The following PDE11A variants were observed in gnomAD, a reference collection of about 807,000 sequenced individuals.
PDE11A encodes phosphodiesterase 11A, also known as dual 3',5'-cyclic-AMP and -GMP phosphodiesterase 11A.
PDE11A carries 100 observed loss-of-function variants against 100.5 expected under a neutral mutation model. The observed-to-expected ratio is 1.00, with a 90% CI of 0.85 to 1.18. PDE11A has a LOEUF of 1.18. Among genes scored for constraint, PDE11A ranks in the 50% most tolerant of loss-of-function variants. The pLI, the probability that PDE11A is intolerant of heterozygous loss-of-function variation, is 0.00. For synonymous variants in PDE11A, 381 were observed against 420.8 expected, an observed-to-expected ratio of 0.91 and a Z score of 1.16; for missense variants, 1,141 against 1,152.6, an observed-to-expected ratio of 0.99 and a Z score of 0.15.
chr2:177,808,314 T>C (rs1214596006), intron 9 of PDE11A, among the ~76,000 whole-genome samples: 2 of 152,234 alleles, frequency 1.3e-5, no homozygotes, highest in African/African-American at 2.4e-5. Flanking sequence ...CATGAGTAGA[T>C]AGTTATCATT....
intron 6 of PDE11A, among the ~76,000 whole-genome samples, chr2:177,825,584 G>A (rs2083215439): frequency 6.6e-6 from 1 of 152,120 alleles, no homozygotes; most frequent in South Asian, 2.1e-4. Flanking sequence ...TCCTCTGCAG[G>A]GGCTGGAGGA....
intron 10 of PDE11A, among the ~76,000 whole-genome samples, chr2:177,741,866 T>C (rs1173529476): frequency 6.6e-6 from 1 of 151,954 alleles, no homozygotes; most frequent in Non-Finnish European, 1.5e-5. Flanking sequence ...CAAGATCCTA[T>C]CTGTACAGAA....
chr2:177,646,535 T>C (rs2080226853), intron 19 of PDE11A, among the ~76,000 whole-genome samples: 1 of 152,232 alleles, frequency 6.6e-6, no homozygotes, highest in Non-Finnish European at 1.5e-5. Flanking sequence ...GTTTACATGG[T>C]TAAGTACACA....
chr2:177,738,944 T>C (rs1482766949), intron 10 of PDE11A, among the ~76,000 whole-genome samples: 1 of 152,202 alleles, frequency 6.6e-6, no homozygotes, highest in Non-Finnish European at 1.5e-5. Flanking sequence ...CACTTTAGTG[T>C]CAAACAGCTA....
intron 4 of PDE11A, among the ~76,000 whole-genome samples, chr2:177,895,555 A>C (rs1025180929): frequency 6.8e-6 from 1 of 147,474 alleles, no homozygotes; most frequent in Admixed American, 6.8e-5. Flanking sequence ...CTCCACCTCA[A>C]AAAAAAAAAA....
At chr2:177,972,565 T>C (rs1401961640) in intron 2 of PDE11A, among the ~76,000 whole-genome samples, 1 of 151,956 alleles carries the variant, frequency 6.6e-6, no homozygotes, top group Non-Finnish European at 1.5e-5. Flanking sequence ...AATGGCTGAA[T>C]TGCAAAAAGG....
intron 2 of PDE11A, among the ~76,000 whole-genome samples, chr2:177,938,788 C>A (rs2085308785): frequency 1.3e-5 from 2 of 152,202 alleles, no homozygotes; most frequent in African/African-American, 4.8e-5. Context: ...TCCTAACCAG[C>A]ACCCCAATAC....
At chr2:178,104,053 T>C (rs1283603503) in intron 2 of PDE11A, among the ~76,000 whole-genome samples, 1 of 152,150 alleles carries the variant, frequency 6.6e-6, no homozygotes, top group Non-Finnish European at 1.5e-5. Context: ...TCAAGAAAAA[T>C]GTATTACCTA....
At chr2:178,028,300 C>A (rs1204609270) in intron 1 of PDE11A, among the ~76,000 whole-genome samples, 53 of 131,388 alleles carry the variant, frequency 4.0e-4, no homozygotes, top group Admixed American at 4.8e-4. Flanking sequence ...CATGTTCCAT[C>A]AAAAAAAAAA....
At chr2:177,651,546 G>A in intron 19 of PDE11A, among the ~76,000 whole-genome samples, 1 of 152,150 alleles carries the variant, frequency 6.6e-6, no homozygotes, top group South Asian at 2.1e-4. Context: ...CAGTTTATGA[G>A]TGTAGAGGGC....
chr2:178,071,306 G>A (rs1455246183), intron 1 of PDE11A, among the ~76,000 whole-genome samples: 3 of 152,172 alleles, frequency 2.0e-5, no homozygotes, highest in African/African-American at 7.2e-5. Flanking sequence ...GTTATTGGGT[G>A]ATATATTAAC....
Position 177,637,995 on chromosome 2 carries a change from A to ATT in PDE11A, c.2647-8434_2647-8433insAA, listed in dbSNP as rs1303030999. Among the ~76,000 whole-genome samples, 33 of 54,124 alleles carry ATT rather than the reference A, an allele frequency of 6.1e-4. 1 individual carries two copies. The highest frequency in any genetic ancestry group is 1.3e-3 in the African/African-American group (22 of 16,818). The allele number at this position is 54,124 out of a possible 152,430, so 35.5% of individuals were successfully genotyped here. A position where few individuals can be genotyped will look rare whatever the true frequency, so the allele number is the denominator to read the frequency against. On this transcript the variant is annotated intron_variant, in intron 19 of 19. Coordinates refer to ENST00000286063, the MANE Select transcript of PDE11A (RefSeq NM_016953.4). ...TATACACGTGTATATATATATATAT[A>ATT]TATTTTTTTTTTTTTTTTTTTTGAG...
At chr2:177,635,381 T>C (rs1438790750) in intron 19 of PDE11A, among the ~76,000 whole-genome samples, 1 of 152,128 alleles carries the variant, frequency 6.6e-6, no homozygotes, top group African/African-American at 2.4e-5. Flanking sequence ...GGGCCCCATG[T>C]TCCTTCCAGT....
intron 10 of PDE11A, among the ~76,000 whole-genome samples, chr2:177,741,720 C>G (rs1478049847): frequency 6.6e-6 from 1 of 152,160 alleles, no homozygotes; most frequent in Non-Finnish European, 1.5e-5. Context: ...CCAAGATACA[C>G]TGGAGGAAAA....
chr2:177,680,860 C>T lies in PDE11A; in HGVS notation c.2389G>A (p.Asp797Asn), dbSNP rs1310336399. The T allele has an allele frequency of 1.9e-6, 3 of 1,593,618 alleles. No homozygotes were observed. Among genetic ancestry groups the T allele is most frequent in the South Asian group, 1.1e-5 (1 of 90,380 alleles). ...FFELVSKGEY[D>N]WNIKNHRDIF... ...TCACGATGGTTTTTGATGTTCCAAT[C>T]GTATTCTCCTTTACTGACAAGTTCA... The change falls in exon 16 of 20, where the codon GAT becomes AAT. Residue 797 changes from aspartate (D) to asparagine (N), a missense_variant. Asp to Asn is a conservative substitution (Grantham distance 23, BLOSUM62 1). Transcript: ENST00000286063.
chr2:177,669,495 A>T lies in PDE11A; in HGVS notation c.2560T>A (p.Ser854Thr). 8.2e-7 allele frequency: 1 copy of T among 1,219,330 alleles called. No homozygotes were observed. The highest frequency in any genetic ancestry group is 1.2e-5 in the South Asian group (1 of 83,302). 75.5% of individuals were successfully genotyped at this position (1,219,330 alleles called of 1,614,324 possible). Residue 854 changes from serine (S) to threonine (T), a missense_variant and splice_region_variant, in exon 18 of 20, where the codon TCA becomes ACA. Transcript: ENST00000286063. ...RERLELKLTP[S>T]AIFDRNRKDE... is the part of the protein sequence containing the mutation. The stretch of plus-strand genomic sequence containing the variant: ...TTATAATTAAAGGATGAACTCACTG[A>T]AGGAGTGAGTTTGAGCTCTAATCTC...
intron 13 of PDE11A, among the ~76,000 whole-genome samples, chr2:177,702,006 C>T (rs2081204018): frequency 6.6e-6 from 1 of 152,158 alleles, no homozygotes; most frequent in Admixed American, 6.5e-5. Context: ...TTGAAAATGC[C>T]TATTACAGTT....
chr2:177,810,456 T>C (rs11674299), intron 9 of PDE11A, among the ~76,000 whole-genome samples: 37,416 of 152,046 alleles, frequency 0.25, 4,799 homozygotes, highest in African/African-American at 0.29. Flanking sequence ...GAAATTTTTA[T>C]AGAGGAGATT....
chr2:177,728,382 C>G (rs1439482105), intron 10 of PDE11A, among the ~76,000 whole-genome samples: 172 of 68,804 alleles, frequency 2.5e-3, no homozygotes, highest in Non-Finnish European at 3.0e-3. Flanking sequence ...GGGTTGGGGG[C>G]GGGGGGAGGG....
Sources: allele counts gnomAD v4.1 joint callset (sites outside exome capture counted in the v4.1 genomes callset), GRCh38; gene constraint gnomAD v4.1.1; transcripts MANE v1.5; gene names NCBI Gene and HGNC (gene_info 2026-07-23, HGNC 2026-07-21).